The following GULP1 variants were observed in gnomAD, a reference collection of about 807,000 sequenced individuals.
The protein encoded by GULP1 is GULP PTB domain containing engulfment adaptor 1.
GULP1 carries 19 observed loss-of-function variants against 40.9 expected under a neutral mutation model. The ratio of observed to expected loss-of-function variants is 0.46; its 90% CI spans 0.32 to 0.68. The LOEUF (loss-of-function observed/expected upper bound fraction) is 0.68, where lower values mean the gene tolerates loss of function less well. Among genes scored for constraint, GULP1 ranks in the 30% least tolerant of loss-of-function variants. The pLI, the probability that GULP1 is intolerant of heterozygous loss-of-function variation, is 0.03. For missense variants in GULP1, 312 were observed against 362.2 expected, an observed-to-expected ratio of 0.86 and a Z score of 1.12; for synonymous variants, 119 against 117.6, an observed-to-expected ratio of 1.01 and a Z score of -0.08.
chr2:188,489,464 G>T (rs2062157873), intron 4 of GULP1, among the ~76,000 whole-genome samples: 1 of 151,836 alleles, frequency 6.6e-6, no homozygotes, highest in Admixed American at 6.6e-5. Flanking sequence ...TTTAAAATTT[G>T]GTGTTACATG....
At chr2:188,307,331 TTC>T (rs1233799064) in intron 1 of GULP1, among the ~76,000 whole-genome samples, 7 of 152,154 alleles carry the variant, frequency 4.6e-5, no homozygotes, top group African/African-American at 1.4e-4. Context: ...CAAAATTAAT[TTC>T]TGTTTTGACA....
chr2:188,349,557 C>A (rs984501255), intron 1 of GULP1, among the ~76,000 whole-genome samples: 2 of 151,978 alleles, frequency 1.3e-5, no homozygotes, highest in East Asian at 1.9e-4. Context: ...GAAATGTGTA[C>A]TCAGATATTT....
intron 6 of GULP1, among the ~76,000 whole-genome samples, chr2:188,540,728 G>C (rs894203446): frequency 2.0e-5 from 3 of 152,104 alleles, no homozygotes; most frequent in African/African-American, 7.2e-5. Flanking sequence ...TCCAGATAAA[G>C]CTGTGTTCTA....
Position 188,570,057 on chromosome 2 carries a change from A to G in GULP1, c.546A>G (p.Glu182=), listed in dbSNP as rs767000174. The stretch of plus-strand genomic sequence containing the variant: ...AAGACTTAGAAACAGAAAATATGGA[A>G]CTTAAAAATAAAGTACAAGATTTGG... ...RIQDLETENM[E]LKNKVQDLEN... Residue 182 remains glutamate, a synonymous_variant, in exon 9 of 12, where the codon GAA becomes GAG. Coordinates refer to ENST00000409830, the MANE Select transcript of GULP1 (RefSeq NM_016315.4). 5 of 1,416,562 alleles carry G rather than the reference A, an allele frequency of 3.5e-6. No individual in the cohort carries two copies. The highest frequency in any genetic ancestry group is 1.8e-4 in the Middle Eastern group (1 of 5,668). The allele number at this position is 1,416,562 out of a possible 1,614,324, so 87.7% of individuals were successfully genotyped here.
chr2:188,294,578 G>A (rs1024270100), intron 1 of GULP1, among the ~76,000 whole-genome samples: 9 of 151,904 alleles, frequency 5.9e-5, no homozygotes, highest in Non-Finnish European at 8.8e-5. Flanking sequence ...GGGCTTAGGG[G>A]TTAAATGGTT....
chr2:188,345,729 A>C (rs1160224521), intron 1 of GULP1, among the ~76,000 whole-genome samples: 2 of 152,238 alleles, frequency 1.3e-5, no homozygotes, highest in African/African-American at 2.4e-5. Context: ...ATTTCATTTA[A>C]GATTAAAAAG....
chr2:188,433,319 T>C (rs943351635), intron 2 of GULP1, among the ~76,000 whole-genome samples: 2 of 152,148 alleles, frequency 1.3e-5, no homozygotes, highest in Non-Finnish European at 2.9e-5. Context: ...TGAACTGTAG[T>C]CTAGATTTCA....
chr2:188,299,885 T>C (rs12693494), intron 1 of GULP1, among the ~76,000 whole-genome samples: 1 of 152,072 alleles, frequency 6.6e-6, no homozygotes, highest in African/African-American at 2.4e-5. Flanking sequence ...GCAGGTGGGA[T>C]AGGCAAGAAG....
intron 4 of GULP1, among the ~76,000 whole-genome samples, chr2:188,488,491 T>C (rs897733205): frequency 6.6e-6 from 1 of 152,100 alleles, no homozygotes; most frequent in Non-Finnish European, 1.5e-5. Context: ...AATATAGTTG[T>C]TATAGAAAGT....
chr2:188,506,738 T>C (rs1401414372), intron 4 of GULP1, among the ~76,000 whole-genome samples: 5 of 152,172 alleles, frequency 3.3e-5, no homozygotes, highest in African/African-American at 1.2e-4. Context: ...AAGTTTGACC[T>C]TGTTATTCAG....
chr2:188,507,975 GT>G (rs978973975), intron 4 of GULP1, among the ~76,000 whole-genome samples: 21 of 151,870 alleles, frequency 1.4e-4, no homozygotes, highest in African/African-American at 4.6e-4. Context: ...ATAAAGGGAA[GT>G]TTTTTATATA....
At chr2:188,394,392 T>C (rs2050939689) in intron 2 of GULP1, among the ~76,000 whole-genome samples, 3 of 152,130 alleles carry the variant, frequency 2.0e-5, no homozygotes, top group African/African-American at 7.2e-5. Flanking sequence ...GGGTTTTCTT[T>C]AAAATATCTT....
chr2:188,440,117 G>A (rs1175319261), intron 2 of GULP1, among the ~76,000 whole-genome samples: 1 of 152,142 alleles, frequency 6.6e-6, no homozygotes, highest in African/African-American at 2.4e-5. Context: ...CTAAAATTGG[G>A]CCACAAATGT....
At chr2:188,340,249 A>G (rs1331637971) in intron 1 of GULP1, among the ~76,000 whole-genome samples, 1 of 152,178 alleles carries the variant, frequency 6.6e-6, no homozygotes, top group Non-Finnish European at 1.5e-5. Flanking sequence ...ATAAAGAAAT[A>G]CCTGAGACTG....
At chr2:188,368,957 A>G (rs561495514) in intron 1 of GULP1, among the ~76,000 whole-genome samples, 7,204 of 131,442 alleles carry the variant, frequency 0.055, 940 homozygotes, top group African/African-American at 0.2. Flanking sequence ...ATATATATAT[A>G]TATATATATA....
intron 2 of GULP1, among the ~76,000 whole-genome samples, chr2:188,474,714 G>T (rs1023648583): frequency 2.0e-5 from 3 of 152,224 alleles, no homozygotes; most frequent in Admixed American, 6.5e-5. Context: ...TCTTGTGAAG[G>T]TTCTTTTGTT....
chr2:188,460,890 G>T (rs1171688052), intron 2 of GULP1, among the ~76,000 whole-genome samples: 1 of 152,128 alleles, frequency 6.6e-6, no homozygotes, highest in African/African-American at 2.4e-5. Flanking sequence ...CAATTGCAAT[G>T]ATTGTATGGT....
intron 2 of GULP1, among the ~76,000 whole-genome samples, chr2:188,402,938 G>C (rs1190452844): frequency 1.3e-5 from 2 of 152,076 alleles, no homozygotes; most frequent in African/African-American, 4.8e-5. Flanking sequence ...TGTACAAAAA[G>C]GGAAAGTAAA....
intron 6 of GULP1, 39 bp from the exon 7 acceptor site, chr2:188,541,142 A>G: frequency 6.4e-7 from 1 of 1,566,872 alleles, no homozygotes. Context: ...ATGAAAAAAG[A>G]ATCCCATCAA....
Sources: gnomAD v4.1 joint callset for allele counts (sites outside exome capture counted in the v4.1 genomes callset) on GRCh38, gnomAD v4.1.1 for gene constraint, MANE v1.5 for transcripts, NCBI Gene and HGNC (gene_info 2026-07-23, HGNC 2026-07-21) for gene names.